The following WDR49 variants were observed in gnomAD, a reference collection of about 807,000 sequenced individuals.
The protein encoded by WDR49 is WD repeat domain 49, also known as cilia- and flagella-associated protein 337.
Under a neutral mutation model 119.5 loss-of-function variants are expected in WDR49, and 107 were observed. That is an observed-to-expected ratio of 0.90 (90% confidence interval 0.77 to 1.05). The LOEUF (loss-of-function observed/expected upper bound fraction) is 1.05. Ranked by LOEUF, WDR49 falls within the 50% of genes least tolerant of loss-of-function variation. The pLI, the probability that WDR49 is intolerant of heterozygous loss-of-function variation, is 0.00. For synonymous variants in WDR49, 425 were observed against 418.8 expected, an observed-to-expected ratio of 1.01 and a Z score of -0.18; for missense variants, 1,240 against 1,220.5, an observed-to-expected ratio of 1.02 and a Z score of -0.24.
intron 7 of WDR49, among the ~76,000 whole-genome samples, chr3:167,597,598 T>G (rs555875800): frequency 1.1e-4 from 16 of 152,082 alleles, no homozygotes; most frequent in Admixed American, 9.2e-4. Context: ...CAACACCAGC[T>G]TGTAAAAGCA....
intron 7 of WDR49, among the ~76,000 whole-genome samples, chr3:167,593,563 C>G (rs1444339955): frequency 6.6e-6 from 1 of 151,872 alleles, no homozygotes; most frequent in Non-Finnish European, 1.5e-5. Context: ...TTGAATTCTC[C>G]ATCTGAATGG....
At chr3:167,488,223 T>A (rs1751000214) in intron 18 of WDR49, among the ~76,000 whole-genome samples, 1 of 148,298 alleles carries the variant, frequency 6.7e-6, no homozygotes, top group South Asian at 2.2e-4. Flanking sequence ...ATAAAAAATA[T>A]GAAATCATGT....
intron 8 of WDR49, among the ~76,000 whole-genome samples, chr3:167,570,097 C>A (rs1359925341): frequency 7.1e-6 from 1 of 140,156 alleles, no homozygotes; most frequent in Non-Finnish European, 1.6e-5. Flanking sequence ...CCAATTACAG[C>A]TTTAAGCTAG....
chr3:167,507,937 G>A (rs1751836948), intron 16 of WDR49, among the ~76,000 whole-genome samples: 1 of 152,138 alleles, frequency 6.6e-6, no homozygotes, highest in Non-Finnish European at 1.5e-5. Flanking sequence ...GATGGATGAA[G>A]ACAAAGAAGC....
chr3:167,592,373 G>GT (rs1012988363), intron 7 of WDR49, among the ~76,000 whole-genome samples: 4 of 150,316 alleles, frequency 2.7e-5, no homozygotes, highest in Admixed American at 6.6e-5. Flanking sequence ...ATATTCTGTG[G>GT]TTTTTTTGTG....
intron 9 of WDR49, among the ~76,000 whole-genome samples, chr3:167,557,614 G>A (rs970437338): frequency 5.9e-5 from 9 of 151,826 alleles, no homozygotes; most frequent in East Asian, 3.9e-4. Flanking sequence ...TTAGCCGGGC[G>A]TGGTGGCAGG....
chr3:167,554,790 G>A lies in WDR49; in HGVS notation c.1683C>T (p.Asp561=). ...GSTDGTVKIW[D]FNGYCHHTLN... ...GTGTATGGTGACAATATCCATTGAA[G>A]TCCCATATCTTTAAGAGAAAAATTA... Residue 561 remains aspartate, a synonymous_variant, in exon 10 of 19, where the codon GAC becomes GAT. Transcript: ENST00000682715. 5.0e-6 allele frequency: 8 copies of A among 1,603,388 alleles called. No individual in the cohort carries two copies. Among genetic ancestry groups the A allele is most frequent in the Non-Finnish European group, 6.8e-6 (8 of 1,176,826 alleles).
intron 5 of WDR49, among the ~76,000 whole-genome samples, chr3:167,611,506 T>C (rs559741095): frequency 1.9e-4 from 29 of 152,220 alleles, no homozygotes; most frequent in African/African-American, 7.0e-4. Flanking sequence ...TTAAATGGAT[T>C]AAACTCTTTA....
At chr3:167,641,411 T>A (rs929721080) in intron 2 of WDR49, among the ~76,000 whole-genome samples, 23 of 151,928 alleles carry the variant, frequency 1.5e-4, no homozygotes, top group African/African-American at 5.6e-4. Flanking sequence ...GAAGATAAGA[T>A]AAGATGAGAT....
At chr3:167,496,601 G>A (rs371187675) in intron 18 of WDR49, among the ~76,000 whole-genome samples, 35 of 152,024 alleles carry the variant, frequency 2.3e-4, no homozygotes, top group East Asian at 1.5e-3. Flanking sequence ...CATAGCCCTC[G>A]TTGTAGAATA....
rs567401527 is a variant in WDR49, at chr3:167,642,517, G to A, written c.165+10744C>T. ...ACCCTGTGGTATTTGAATTGAATTG[G>A]AAGTATTAGTATAAGTTCATTAGTT... is the stretch of plus-strand genomic sequence containing the variant. On this transcript the variant is annotated intron_variant, in intron 2 of 18. Transcript: ENST00000682715. Among the ~76,000 whole-genome samples, 7 of 152,012 alleles carry A rather than the reference G, an allele frequency of 4.6e-5. No homozygotes were observed. In the South Asian group the frequency reaches 1.5e-3, roughly 32 times the overall value.
chr3:167,539,341 C>T (rs186044911), intron 10 of WDR49, among the ~76,000 whole-genome samples: 2 of 152,190 alleles, frequency 1.3e-5, no homozygotes, highest in Admixed American at 6.6e-5. Context: ...ATATTTCTGT[C>T]GGTTTTGTTT....
intron 2 of WDR49, among the ~76,000 whole-genome samples, chr3:167,630,942 T>TCTTAGG (rs1717341600): frequency 6.6e-6 from 1 of 152,090 alleles, no homozygotes; most frequent in Non-Finnish European, 1.5e-5. Context: ...ATCACAGCCT[T>TCTTAGG]CTTAGGCTTA....
intron 10 of WDR49, among the ~76,000 whole-genome samples, chr3:167,553,018 C>T (rs144312097): frequency 8.0e-4 from 121 of 152,136 alleles, no homozygotes; most frequent in African/African-American, 2.4e-3. Flanking sequence ...GTTGGCTTAA[C>T]GGTCCATCCT....
chr3:167,531,129 T>C lies in WDR49; in HGVS notation c.2204A>G (p.Asn735Ser), dbSNP rs1752837467. ...ATATATTTTACCTGTCACTGCAGTG[T>C]TTTTTCTTGCTTTAAGAAAGCAAAG... ...MRLCFLKARK[N>S]TAVTGGANLV... The change falls in exon 13 of 19, where the codon AAC becomes AGC. Residue 735 changes from asparagine (N) to serine (S), a missense_variant. Transcript: ENST00000682715. 1.9e-6 allele frequency: 3 copies of C among 1,611,252 alleles called. No homozygotes were observed. Among genetic ancestry groups the C allele is most frequent in the Non-Finnish European group, 2.5e-6 (3 of 1,179,150 alleles).
chr3:167,601,908 A>T (rs1226228501), intron 7 of WDR49, among the ~76,000 whole-genome samples: 3 of 152,184 alleles, frequency 2.0e-5, no homozygotes, highest in Admixed American at 2.0e-4. Flanking sequence ...ACATGATTTG[A>T]AAAAATTTAA....
chr3:167,650,588 T>C (rs1429079338), intron 2 of WDR49, among the ~76,000 whole-genome samples: 1 of 152,240 alleles, frequency 6.6e-6, no homozygotes, highest in African/African-American at 2.4e-5. Context: ...TTGACTCTTC[T>C]ATGTGAATTT....
chr3:167,552,063 G>A (rs935883389), intron 10 of WDR49, among the ~76,000 whole-genome samples: 2 of 152,046 alleles, frequency 1.3e-5, no homozygotes, highest in Admixed American at 1.3e-4. Flanking sequence ...AGCCATAAGG[G>A]TGTGAAACAG....
intron 16 of WDR49, among the ~76,000 whole-genome samples, chr3:167,511,420 C>A (rs1751966152): frequency 6.6e-6 from 1 of 152,192 alleles, no homozygotes; most frequent in African/African-American, 2.4e-5. Context: ...TCTACCGACG[C>A]CTATATAATC....
Sources: gnomAD v4.1 joint callset for allele counts (sites outside exome capture counted in the v4.1 genomes callset) on GRCh38, gnomAD v4.1.1 for gene constraint, MANE v1.5 for transcripts, NCBI Gene and HGNC (gene_info 2026-07-23, HGNC 2026-07-21) for gene names.